Variants in PTRH2 observed in about 807,000 individuals in gnomAD.
PTRH2 encodes the protein peptidyl-tRNA hydrolase 2.
In PTRH2, 10 loss-of-function variants were observed where a neutral mutation model predicts 12.3. The ratio of observed to expected loss-of-function variants is 0.81; its 90% CI spans 0.50 to 1.38. PTRH2 has a LOEUF of 1.38. PTRH2 is among the 40% of genes most tolerant of loss of function. The pLI, the probability that PTRH2 is intolerant of heterozygous loss-of-function variation, is 0.00. For synonymous variants in PTRH2, 73 were observed against 77.4 expected, an observed-to-expected ratio of 0.94 and a Z score of 0.30; for missense variants, 176 against 214.1, an observed-to-expected ratio of 0.82 and a Z score of 1.11.
In PTRH2 at chr17:59,702,349, A is replaced by G. The variant is rs192569291; in HGVS notation, c.1-4371T>C. 6.4e-3 allele frequency among the ~76,000 whole-genome samples: 971 copies of G among 152,334 alleles called. 8 individuals are homozygous for G. Among genetic ancestry groups the G allele is most frequent in the Non-Finnish European group, 7.8e-3 (531 of 68,030 alleles). On this transcript the variant is annotated intron_variant, in intron 1 of 1. Transcript: ENST00000393038. ...CATCAGACATTAGATTCTCATAAGAAGTACACAACACAGATCCCTCGCATG... is the reference window on the plus strand; with the variant it reads ...CATCAGACATTAGATTCTCATAAGAGGTACACAACACAGATCCCTCGCATG...
At chr17:59,704,480 T>C (rs118154238) in intron 1 of PTRH2, among the ~76,000 whole-genome samples, 4 of 152,296 alleles carry the variant, frequency 2.6e-5, no homozygotes, top group Admixed American at 2.0e-4. Context: ...GCTGGAAATA[T>C]AGATTTGAGA....
At chr17:59,698,002 T>G (rs778254158) in intron 1 of PTRH2, 24 bp from the exon 2 acceptor site, 1 of 1,598,814 alleles carries the variant, frequency 6.3e-7, no homozygotes, top group Non-Finnish European at 8.5e-7. Context: ...AAAACAGTTA[T>G]CACTATCCGG....
At chr17:59,704,961 T>C (rs374206768) in intron 1 of PTRH2, among the ~76,000 whole-genome samples, 4 of 152,092 alleles carry the variant, frequency 2.6e-5, no homozygotes, top group African/African-American at 9.7e-5. Flanking sequence ...CTAATTTTTG[T>C]ATTTTTAGTA....
chr17:59,705,790 A>T (rs2033635835), intron 1 of PTRH2, among the ~76,000 whole-genome samples: 1 of 151,436 alleles, frequency 6.6e-6, no homozygotes, highest in East Asian at 1.9e-4. Context: ...ACATGCCCAT[A>T]CTCCCAGCTA....
intron 1 of PTRH2, chr17:59,701,255 G>T (rs1348823504): frequency 6.6e-6 from 1 of 152,196 alleles, no homozygotes. Flanking sequence ...TGCAACCTGT[G>T]TTATTACATT....
At chr17:59,699,186 C>A (rs766147248) in intron 1 of PTRH2, 35 of 330,582 alleles carry the variant, frequency 1.1e-4, no homozygotes, top group Non-Finnish European at 1.8e-4. Context: ...TCGTAATTGA[C>A]GTCCATTTCT....
chr17:59,700,979 T>C (rs2033545563), intron 1 of PTRH2: 1 of 152,208 alleles, frequency 6.6e-6, no homozygotes, highest in African/African-American at 2.4e-5. Flanking sequence ...ATTGAAAGCA[T>C]GGTTAAGATT....
At chr17:59,703,627 C>T (rs1363082956) in intron 1 of PTRH2, among the ~76,000 whole-genome samples, 2 of 152,108 alleles carry the variant, frequency 1.3e-5, no homozygotes, top group East Asian at 3.8e-4. Context: ...GCCTCAGCCT[C>T]CCAAATAGCT....
chr17:59,700,577 T>C (rs2033537860), intron 1 of PTRH2: 1 of 152,186 alleles, frequency 6.6e-6, no homozygotes, highest in South Asian at 2.1e-4. Flanking sequence ...TAAAAGGGGT[T>C]ACTGTCTTTG....
chr17:59,704,353 GT>G (rs2033604969), intron 1 of PTRH2, among the ~76,000 whole-genome samples: 1 of 152,120 alleles, frequency 6.6e-6, no homozygotes, highest in Admixed American at 6.5e-5. Context: ...TAATGAATTA[GT>G]TTTGTTCTGA....
chr17:59,706,599 C>T (rs1212336992), intron 1 of PTRH2, among the ~76,000 whole-genome samples: 1 of 152,072 alleles, frequency 6.6e-6, no homozygotes, highest in Non-Finnish European at 1.5e-5. Flanking sequence ...TAGTATGGTG[C>T]CTGGGGTATG....
At chr17:59,702,793 G>A (rs1202214006) in intron 1 of PTRH2, among the ~76,000 whole-genome samples, 3 of 152,188 alleles carry the variant, frequency 2.0e-5, no homozygotes, top group Non-Finnish European at 4.4e-5. Flanking sequence ...TGGTTCAAAA[G>A]CAACACATAT....
intron 1 of PTRH2, chr17:59,699,783 A>G (rs1258237556): frequency 6.5e-6 from 1 of 153,026 alleles, no homozygotes; most frequent in African/African-American, 2.4e-5. Flanking sequence ...AATGGCCATT[A>G]CTGGCTTGCC....
At chr17:59,702,449 T>C (rs2033570552) in intron 1 of PTRH2, among the ~76,000 whole-genome samples, 1 of 152,148 alleles carries the variant, frequency 6.6e-6, no homozygotes, top group Admixed American at 6.5e-5. Context: ...CAGGAGGTAA[T>C]GTTAGCGATG....
chr17:59,703,598 G>C lies in PTRH2; in HGVS notation c.-1+3773C>G, dbSNP rs1315473848. Reference sequence around the variant, plus strand: ...CGGCTCACTGCAACCTCTGCCTCCTGGGTTCAAGTGATTCTCCTGCCTCAG... The same window carrying C: ...CGGCTCACTGCAACCTCTGCCTCCTCGGTTCAAGTGATTCTCCTGCCTCAG... On this transcript the variant is annotated intron_variant, in intron 1 of 1. Transcript: ENST00000393038. Among the ~76,000 whole-genome samples, 6 of 152,178 alleles carry C rather than the reference G, an allele frequency of 3.9e-5. No homozygotes were observed. In the South Asian group the frequency reaches 8.3e-4, roughly 21 times the overall value.
intron 1 of PTRH2, among the ~76,000 whole-genome samples, chr17:59,705,227 C>T (rs1210499211): frequency 2.0e-5 from 3 of 152,194 alleles, no homozygotes; most frequent in African/African-American, 4.8e-5. Context: ...CCAAATATCC[C>T]ATACACTACA....
Position 59,697,393 on chromosome 17 carries a change from C to T in PTRH2, c.*46G>A. 6.5e-7 allele frequency: 1 copy of T among 1,535,568 alleles called. No individual in the cohort carries two copies. The highest frequency in any genetic ancestry group is 8.8e-7 in the Non-Finnish European group (1 of 1,134,066). On this transcript the variant is annotated 3_prime_UTR_variant, in exon 2 of 2. Coordinates refer to ENST00000393038, the MANE Select transcript of PTRH2 (RefSeq NM_016077.5). ...GCTTTTGTTGTTAGAATCTGACAGG[C>T]TTCAAACACTTGTGATGGAGGGGTT...
chr17:59,704,625 G>C (rs577803558), intron 1 of PTRH2, among the ~76,000 whole-genome samples: 2 of 152,250 alleles, frequency 1.3e-5, no homozygotes, highest in African/African-American at 4.8e-5. Context: ...GACTGACATG[G>C]AGTGGCCAGG....
At chr17:59,706,089 T>C (rs1030076758) in intron 1 of PTRH2, among the ~76,000 whole-genome samples, 7 of 152,224 alleles carry the variant, frequency 4.6e-5, no homozygotes, top group African/African-American at 9.6e-5. Context: ...CAGATTATCA[T>C]CTAACTCCTC....
Sources: allele counts gnomAD v4.1 joint callset (sites outside exome capture counted in the v4.1 genomes callset), GRCh38; gene constraint gnomAD v4.1.1; transcripts MANE v1.5; gene names NCBI Gene and HGNC (gene_info 2026-07-23, HGNC 2026-07-21).